Variants in ADGRL2 observed in about 807,000 individuals in gnomAD.
ADGRL2 encodes calcium-independent alpha-latrotoxin receptor 2.
Under a neutral mutation model 157.4 loss-of-function variants are expected in ADGRL2, and 44 were observed. The ratio of observed to expected loss-of-function variants is 0.28; its 90% CI spans 0.22 to 0.36. The LOEUF (loss-of-function observed/expected upper bound fraction) is 0.36, where lower values mean the gene tolerates loss of function less well. ADGRL2 is among the 10% of genes least tolerant of loss of function. ADGRL2 has a pLI of 1.00. For missense variants in ADGRL2, 1,510 were observed against 1,768.9 expected (o/e 0.85, Z 2.63); for synonymous variants, 585 against 624.7 (o/e 0.94, Z 0.95).
chr1:81,651,876 G>C (rs2082428208), intron 3 of ADGRL2, among the ~76,000 whole-genome samples: 1 of 152,016 alleles, frequency 6.6e-6, no homozygotes, highest in African/African-American at 2.4e-5. Flanking sequence ...ACACGCCACT[G>C]CACCCAACTA....
At chr1:81,432,521 A>T (rs1383795337) in intron 1 of ADGRL2, among the ~76,000 whole-genome samples, 5 of 152,266 alleles carry the variant, frequency 3.3e-5, no homozygotes, top group Non-Finnish European at 5.9e-5. Flanking sequence ...ATGCATAAGA[A>T]GTACTCCAGA....
chr1:81,774,691 T>C (rs781156114), intron 2 of ADGRL2, among the ~76,000 whole-genome samples: 4 of 152,206 alleles, frequency 2.6e-5, no homozygotes, highest in Non-Finnish European at 5.9e-5. Flanking sequence ...TGTCATTCAT[T>C]ATCACAGTAG....
At chr1:81,986,160 T>C (rs950765655) in intron 21 of ADGRL2, among the ~76,000 whole-genome samples, 6 of 152,122 alleles carry the variant, frequency 3.9e-5, no homozygotes, top group Admixed American at 2.0e-4. Context: ...TATTTAAAAG[T>C]TTGTAATTTG....
chr1:81,437,953 A>G (rs1379220570), intron 1 of ADGRL2, among the ~76,000 whole-genome samples: 1 of 152,038 alleles, frequency 6.6e-6, no homozygotes, highest in Non-Finnish European at 1.5e-5. Flanking sequence ...AATGCCTACT[A>G]TTAGTCACCT....
chr1:81,822,281 TGGAAACA>T (rs1297546176), intron 1 of ADGRL2, among the ~76,000 whole-genome samples: 3 of 151,894 alleles, frequency 2.0e-5, no homozygotes, highest in African/African-American at 7.2e-5. Context: ...ATATTGCTGA[TGGAAACA>T]ATGTTTTCTC....
intron 1 of ADGRL2, among the ~76,000 whole-genome samples, chr1:81,712,801 T>C (rs1279626312): frequency 8.1e-5 from 11 of 136,036 alleles, no homozygotes; most frequent in Non-Finnish European, 1.5e-4. Context: ...TTAGCTCTGC[T>C]GCCCAGGCTG....
intron 2 of ADGRL2, among the ~76,000 whole-genome samples, chr1:81,569,784 C>A (rs2080644466): frequency 6.6e-6 from 1 of 152,044 alleles, no homozygotes; most frequent in African/African-American, 2.4e-5. Flanking sequence ...CACTCCAGCC[C>A]TGATGACAGA....
At chr1:81,968,932 C>A (rs779907491) in intron 14 of ADGRL2, among the ~76,000 whole-genome samples, 1 of 152,106 alleles carries the variant, frequency 6.6e-6, no homozygotes, top group Non-Finnish European at 1.5e-5. Context: ...CATTAGGCTC[C>A]TTTATTGTTT....
chr1:81,458,630 C>T (rs1054365666), intron 2 of ADGRL2, among the ~76,000 whole-genome samples: 1 of 152,212 alleles, frequency 6.6e-6, no homozygotes, highest in Non-Finnish European at 1.5e-5. Context: ...TGGCTCCATC[C>T]TCAGCCCATG....
In ADGRL2 at chr1:81,526,198, G is replaced by A. The variant is rs112347744; in HGVS notation, c.-247-54678G>A. On this transcript the variant is annotated intron_variant, in intron 2 of 24. Transcript: ENST00000370721. ...AGTGCATTTCATTTAATATTTGCCT[G>A]TTTTATTAATAATTGAAAGCCACTT... Among the ~76,000 whole-genome samples the A allele has an allele frequency of 4.3e-4, 66 of 152,312 alleles. No homozygotes were observed. In the Middle Eastern group the frequency reaches 0.01, roughly 24 times the overall value.
intron 2 of ADGRL2, among the ~76,000 whole-genome samples, chr1:81,845,120 T>A (rs1028227101): frequency 6.6e-6 from 1 of 152,082 alleles, no homozygotes; most frequent in Non-Finnish European, 1.5e-5. Context: ...ACATATACTC[T>A]TATATTCATA....
intron 3 of ADGRL2, among the ~76,000 whole-genome samples, chr1:81,604,560 G>A (rs1268972778): frequency 1.3e-5 from 2 of 152,172 alleles, no homozygotes; most frequent in East Asian, 3.9e-4. Flanking sequence ...AAGTGCTAAG[G>A]ACTGAGATGC....
At chr1:81,891,307 C>A (rs573425219) in intron 2 of ADGRL2, among the ~76,000 whole-genome samples, 1 of 151,782 alleles carries the variant, frequency 6.6e-6, no homozygotes, top group East Asian at 1.9e-4. Flanking sequence ...TTACTTTGGA[C>A]CTTCAGTTTG....
intron 3 of ADGRL2, among the ~76,000 whole-genome samples, chr1:81,671,185 A>G (rs1414990309): frequency 1.3e-5 from 2 of 151,972 alleles, no homozygotes; most frequent in African/African-American, 4.8e-5. Context: ...CCTGTTCCTC[A>G]CCCCAGACAG....
At chr1:81,790,245 C>A (rs754354344) in intron 2 of ADGRL2, among the ~76,000 whole-genome samples, 1 of 152,004 alleles carries the variant, frequency 6.6e-6, no homozygotes, top group Non-Finnish European at 1.5e-5. Context: ...ATATTTCCCA[C>A]CTATCTAATG....
At chr1:81,387,191 A>T (rs546119649) in intron 1 of ADGRL2, among the ~76,000 whole-genome samples, 14 of 152,304 alleles carry the variant, frequency 9.2e-5, no homozygotes, top group African/African-American at 3.4e-4. Flanking sequence ...ACGTGAAAAC[A>T]CTTGGACTTG....
At chr1:81,406,461 C>T (rs1284462535) in intron 1 of ADGRL2, among the ~76,000 whole-genome samples, 1 of 152,138 alleles carries the variant, frequency 6.6e-6, no homozygotes, top group Non-Finnish European at 1.5e-5. Flanking sequence ...TACAGAACGT[C>T]CCAAGGAGTC....
At chr1:81,419,509 T>C (rs2077089725) in intron 1 of ADGRL2, among the ~76,000 whole-genome samples, 1 of 152,216 alleles carries the variant, frequency 6.6e-6, no homozygotes, top group South Asian at 2.1e-4. Flanking sequence ...CACCTGGCCA[T>C]TCTTTATCTT....
intron 3 of ADGRL2, among the ~76,000 whole-genome samples, chr1:81,607,200 A>G (rs900955191): frequency 3.9e-5 from 6 of 152,200 alleles, no homozygotes; most frequent in African/African-American, 1.4e-4. Flanking sequence ...ATGCTGATGT[A>G]AGTTTCCCTA....
Sources: gnomAD v4.1 joint callset for allele counts (sites outside exome capture counted in the v4.1 genomes callset) on GRCh38, gnomAD v4.1.1 for gene constraint, MANE v1.5 for transcripts, NCBI Gene and HGNC (gene_info 2026-07-23, HGNC 2026-07-21) for gene names.